Variants in RHBDD1 observed in about 807,000 individuals in gnomAD.
RHBDD1 encodes the protein rhomboid-related protein 4.
In RHBDD1, 38 loss-of-function variants were observed where a neutral mutation model predicts 36.3. That is an observed-to-expected ratio of 1.05 (90% confidence interval 0.81 to 1.37). The LOEUF is 1.37. Ranked by LOEUF, RHBDD1 falls within the 40% of genes most tolerant of loss-of-function variation. The pLI is 0.00. For synonymous variants in RHBDD1, 151 were observed against 136.5 expected, an observed-to-expected ratio of 1.11 and a Z score of -0.74; for missense variants, 393 against 377.6, an observed-to-expected ratio of 1.04 and a Z score of -0.34.
intron 8 of RHBDD1, among the ~76,000 whole-genome samples, chr2:226,952,713 G>T (rs1278715402): frequency 6.6e-6 from 1 of 152,186 alleles, no homozygotes; most frequent in Non-Finnish European, 1.5e-5. Flanking sequence ...GAGGAAGATA[G>T]CTTCTTCCCC....
chr2:226,873,429 T>C (rs910279635), intron 5 of RHBDD1, among the ~76,000 whole-genome samples: 2 of 152,160 alleles, frequency 1.3e-5, no homozygotes, highest in Non-Finnish European at 2.9e-5. Flanking sequence ...GGTTAAGATA[T>C]CTCACTTTCA....
intron 8 of RHBDD1, among the ~76,000 whole-genome samples, chr2:226,930,239 A>G (rs1313087040): frequency 1.3e-5 from 2 of 152,072 alleles, no homozygotes; most frequent in Non-Finnish European, 2.9e-5. Context: ...GAGGCATCAC[A>G]TTACCTGACT....
intron 8 of RHBDD1, among the ~76,000 whole-genome samples, chr2:226,917,883 A>C (rs1326214648): frequency 6.6e-6 from 1 of 152,046 alleles, no homozygotes; most frequent in Non-Finnish European, 1.5e-5. Context: ...AATTTTAAAA[A>C]GAAAAGAAAT....
the RHBDD1 span, among the ~76,000 whole-genome samples, chr2:226,802,332 T>C: frequency 6.6e-6 from 1 of 152,200 alleles, no homozygotes. Flanking sequence ...TGGAAGATAA[T>C]CACTGATCAT....
chr2:226,972,584 A>G (rs1018135522), intron 8 of RHBDD1, among the ~76,000 whole-genome samples: 16 of 152,200 alleles, frequency 1.1e-4, no homozygotes, highest in Non-Finnish European at 2.1e-4. Flanking sequence ...GTGCTGCTTC[A>G]TGGACGGAGC....
At chr2:226,870,570 A>G (rs1166217182) in intron 5 of RHBDD1, among the ~76,000 whole-genome samples, 1 of 152,116 alleles carries the variant, frequency 6.6e-6, no homozygotes, top group Non-Finnish European at 1.5e-5. Context: ...CCCCTGAACA[A>G]CTTGGGGGTT....
At chr2:226,928,127 G>T (rs1318348308) in intron 8 of RHBDD1, among the ~76,000 whole-genome samples, 1 of 151,998 alleles carries the variant, frequency 6.6e-6, no homozygotes, top group Non-Finnish European at 1.5e-5. Context: ...AAGATGTGAG[G>T]TATGAACCAA....
At chr2:226,886,489 C>T (rs545531217) in intron 5 of RHBDD1, among the ~76,000 whole-genome samples, 38 of 152,220 alleles carry the variant, frequency 2.5e-4, no homozygotes, top group South Asian at 1.2e-3. Context: ...CCTGAAAACG[C>T]GGCTGAGCAA....
At chr2:226,877,550 CTTT>C (rs80311532) in intron 5 of RHBDD1, among the ~76,000 whole-genome samples, 9 of 120,762 alleles carry the variant, frequency 7.5e-5, no homozygotes, top group East Asian at 2.3e-4. Flanking sequence ...AGCCATTTTC[CTTT>C]TTTTTTTTTT....
At chr2:226,882,304 C>T (rs7565989) in intron 5 of RHBDD1, among the ~76,000 whole-genome samples, 9,883 of 151,624 alleles carry the variant, frequency 0.065, 453 homozygotes, top group African/African-American at 0.13. Context: ...GTGGCAGGCA[C>T]CTGTAATCCC....
At chr2:226,846,443 A>T (rs555019646) in intron 3 of RHBDD1, among the ~76,000 whole-genome samples, 1 of 152,274 alleles carries the variant, frequency 6.6e-6, no homozygotes, top group East Asian at 1.9e-4. Flanking sequence ...TGTAGGTTTG[A>T]TTAAAGAATG....
Position 226,914,268 on chromosome 2 carries a change from C to T in RHBDD1, c.773C>T (p.Pro258Leu). 4 of 1,613,758 alleles carry T rather than the reference C, an allele frequency of 2.5e-6. No individual in the cohort carries two copies. The highest frequency in any genetic ancestry group is 3.4e-6 in the Non-Finnish European group (4 of 1,179,794). The change falls in exon 8 of 9, where the codon CCC becomes CTC. Residue 258 changes from proline (P) to leucine (L), a missense_variant. Physicochemically the swap from Pro to Leu is moderately conservative, Grantham distance 98. Transcript: ENST00000392062. Reference protein sequence around the residue: ...HGRPDHYEEAPRNYDTYTAGL... With the variant: ...HGRPDHYEEALRNYDTYTAGL... ...AGGCCAGATCACTATGAAGAAGCAC[C>T]CAGGAACTATGACACGTACACAGCA...
intron 8 of RHBDD1, among the ~76,000 whole-genome samples, chr2:226,940,267 G>C (rs997898461): frequency 3.3e-5 from 5 of 152,064 alleles, no homozygotes; most frequent in Admixed American, 6.6e-5. Flanking sequence ...TGATGAAGAT[G>C]CCAAAAGCAG....
chr2:226,957,567 AC>A (rs1476310330), intron 8 of RHBDD1, among the ~76,000 whole-genome samples: 7 of 105,872 alleles, frequency 6.6e-5, no homozygotes, highest in African/African-American at 3.3e-4. Flanking sequence ...TACCGCCCCC[AC>A]CCAAAAAAAA....
chr2:226,949,678 G>A (rs1474632254), intron 8 of RHBDD1, among the ~76,000 whole-genome samples: 1 of 152,004 alleles, frequency 6.6e-6, no homozygotes, highest in Non-Finnish European at 1.5e-5. Flanking sequence ...CCACAGTCTG[G>A]GTAGTTTAAA....
chr2:226,979,143 G>A (rs957501859), intron 8 of RHBDD1, among the ~76,000 whole-genome samples: 18 of 152,094 alleles, frequency 1.2e-4, no homozygotes, highest in African/African-American at 2.2e-4. Flanking sequence ...CAGCGCAGCC[G>A]TCAGTCTGAG....
chr2:226,808,049 G>A, the RHBDD1 span, among the ~76,000 whole-genome samples: 1 of 152,134 alleles, frequency 6.6e-6, no homozygotes, highest in Non-Finnish European at 1.5e-5. Flanking sequence ...AGCTCTGTTG[G>A]AATAGACTGT....
At chr2:226,930,044 G>A (rs1048549344) in intron 8 of RHBDD1, among the ~76,000 whole-genome samples, 3 of 151,826 alleles carry the variant, frequency 2.0e-5, no homozygotes, top group Non-Finnish European at 2.9e-5. Flanking sequence ...CCCATGTTCA[G>A]GTATTGGAAG....
At chr2:226,884,054 T>C (rs1258973186) in intron 5 of RHBDD1, among the ~76,000 whole-genome samples, 1 of 152,216 alleles carries the variant, frequency 6.6e-6, no homozygotes, top group Non-Finnish European at 1.5e-5. Flanking sequence ...AGATAAACAT[T>C]ATACAATTAA....
Sources: allele counts gnomAD v4.1 joint callset (sites outside exome capture counted in the v4.1 genomes callset), GRCh38; gene constraint gnomAD v4.1.1; transcripts MANE v1.5; gene names NCBI Gene and HGNC (gene_info 2026-07-23, HGNC 2026-07-21).